Variants in FUT8 observed in about 807,000 individuals in gnomAD.
The protein encoded by FUT8 is fucosyltransferase 8.
FUT8 carries 29 observed loss-of-function variants against 71.3 expected under a neutral mutation model. The observed-to-expected ratio is 0.41, with a 90% CI of 0.30 to 0.55. The LOEUF (loss-of-function observed/expected upper bound fraction) is 0.55, where lower values mean the gene tolerates loss of function less well. Ranked by LOEUF, FUT8 falls within the 20% of genes least tolerant of loss-of-function variation. The pLI is 0.34. For missense variants in FUT8, 544 were observed against 702.1 expected (o/e 0.77, Z 2.55); for synonymous variants, 254 against 239.3 (o/e 1.06, Z -0.57).
In FUT8 at chr14:65,607,814, A is replaced by G. The variant is rs892400532; in HGVS notation, c.204-8164A>G. On this transcript the variant is annotated intron_variant, in intron 3 of 10. Coordinates refer to ENST00000673929, the MANE Select transcript of FUT8 (RefSeq NM_001371533.1). The surrounding 1 kb of genome is among the most constrained non-coding windows in gnomAD (Gnocchi z 4.1). ...CACGGTAGCTCATGCCTGTAATCCC[A>G]GCACTTTGGGAGGCTGAAGTGGGCA... Among the ~76,000 whole-genome samples the G allele has an allele frequency of 2.6e-5, 4 of 151,928 alleles. No homozygotes were observed. Among genetic ancestry groups the G allele is most frequent in the African/African-American group, 9.7e-5 (4 of 41,416 alleles).
chr14:65,666,410 G>GA (rs2140363433), intron 6 of FUT8, among the ~76,000 whole-genome samples: 1 of 152,212 alleles, frequency 6.6e-6, no homozygotes, highest in East Asian at 1.9e-4. Context: ...AACACTCTGT[G>GA]AACACAAATT....
intron 3 of FUT8, among the ~76,000 whole-genome samples, chr14:65,576,696 C>CTTTTTTTTTTTTTTTTTTTTTTTT (rs376473739): frequency 5.2e-5 from 5 of 96,212 alleles, no homozygotes; most frequent in Admixed American, 1.1e-4. Context: ...GCCCAGCTTG[C>CTTTTTTTTTTTTTTTTTTTTTTTT]TTTTTTTTTT....
chr14:65,609,960 A>T (rs1350249996), intron 3 of FUT8, among the ~76,000 whole-genome samples: 2 of 148,682 alleles, frequency 1.3e-5, no homozygotes, highest in East Asian at 2.0e-4. Context: ...AATTTTTTTC[A>T]TTTTTTTTTG....
At chr14:65,383,262 TTTC>T in the FUT8 span, among the ~76,000 whole-genome samples, 6 of 132,416 alleles carry the variant, frequency 4.5e-5, no homozygotes, top group Non-Finnish European at 9.2e-5. Flanking sequence ...TTCTTTTTCT[TTTC>T]TTTTTTTTTT....
chr14:65,649,357 T>G (rs2140317585), intron 6 of FUT8, among the ~76,000 whole-genome samples: 1 of 152,350 alleles, frequency 6.6e-6, no homozygotes, highest in South Asian at 2.1e-4. Flanking sequence ...ATCTGAATCT[T>G]CTTCCCTTGG....
chr14:65,592,895 A>T (rs966066447), intron 3 of FUT8, among the ~76,000 whole-genome samples: 6 of 152,190 alleles, frequency 3.9e-5, no homozygotes, highest in Non-Finnish European at 7.4e-5. Context: ...TTCAATAGAC[A>T]TTTCTTGGAC....
chr14:65,553,871 CT>C (rs907659671), intron 2 of FUT8, among the ~76,000 whole-genome samples: 2 of 151,194 alleles, frequency 1.3e-5, no homozygotes, highest in African/African-American at 4.9e-5. Context: ...TTTTTAGCAG[CT>C]TTTTGTCTAC....
rs1253198944 is a variant in FUT8 at position 65,552,809 on chromosome 14, T to C, written c.-227-8528T>C. On this transcript the variant is annotated intron_variant, in intron 2 of 10. Transcript: ENST00000673929. ...TGGCTTTTTCTTTGCTATACCTTTT[T>C]ATTTTATTTAATAAAAACTACTTGT... 2.0e-5 allele frequency among the ~76,000 whole-genome samples: 3 copies of C among 152,242 alleles called. No homozygotes were observed. The East Asian group carries it at 5.8e-4, about 29-fold the overall frequency.
chr14:65,698,718 C>T (rs1223455334), intron 7 of FUT8, among the ~76,000 whole-genome samples: 3 of 152,112 alleles, frequency 2.0e-5, no homozygotes, highest in Admixed American at 2.0e-4. Context: ...TCTAGGTAAG[C>T]GATCATTTCC....
chr14:65,498,875 C>A (rs1479784712), intron 2 of FUT8, among the ~76,000 whole-genome samples: 5 of 152,120 alleles, frequency 3.3e-5, no homozygotes, highest in Non-Finnish European at 1.5e-5. Context: ...GGAGAAAAAT[C>A]AGACTAAATT....
chr14:65,432,998 A>G (rs1344560060), intron 1 of FUT8, among the ~76,000 whole-genome samples: 1 of 151,916 alleles, frequency 6.6e-6, no homozygotes, highest in African/African-American at 2.4e-5. Context: ...TTCTTGTGTG[A>G]AATCCAAAAA....
At chr14:65,590,544 T>C (rs1887634302) in intron 3 of FUT8, among the ~76,000 whole-genome samples, 1 of 152,166 alleles carries the variant, frequency 6.6e-6, no homozygotes, top group Admixed American at 6.5e-5. Context: ...AAAGGTTTAA[T>C]TGCCTAGATG....
intron 7 of FUT8, among the ~76,000 whole-genome samples, chr14:65,712,657 C>G (rs1894863392): frequency 1.3e-5 from 2 of 152,138 alleles, no homozygotes. Flanking sequence ...GTTGGTCAGG[C>G]TGATCTCAAA....
chr14:65,622,050 C>G (rs1889644290), intron 5 of FUT8, among the ~76,000 whole-genome samples: 1 of 152,208 alleles, frequency 6.6e-6, no homozygotes, highest in Non-Finnish European at 1.5e-5. Flanking sequence ...TCTCAAACTT[C>G]TGACTTCAGG....
chr14:65,662,280 G>C (rs1055161908), intron 6 of FUT8, among the ~76,000 whole-genome samples: 4 of 152,154 alleles, frequency 2.6e-5, no homozygotes, highest in Admixed American at 2.0e-4. Context: ...GGGCTACTTG[G>C]GGGGATGAGG....
intron 2 of FUT8, among the ~76,000 whole-genome samples, chr14:65,469,366 G>A (rs1236144680): frequency 6.6e-6 from 1 of 150,420 alleles, no homozygotes; most frequent in Non-Finnish European, 1.5e-5. Context: ...GAGGTAAATA[G>A]GCCTTTAGTG....
At chr14:65,710,369 T>C (rs1449195176) in intron 7 of FUT8, among the ~76,000 whole-genome samples, 1 of 152,206 alleles carries the variant, frequency 6.6e-6, no homozygotes, top group African/African-American at 2.4e-5. Flanking sequence ...TTTGCATGTA[T>C]ATTTGAATAG....
chr14:65,582,753 C>T (rs1202045471), intron 3 of FUT8, among the ~76,000 whole-genome samples: 1 of 152,076 alleles, frequency 6.6e-6, no homozygotes, highest in African/African-American at 2.4e-5. Context: ...CTTATTCATC[C>T]TTGTATCATA....
At chr14:65,375,478 G>T in the FUT8 span, among the ~76,000 whole-genome samples, 13 of 152,042 alleles carry the variant, frequency 8.6e-5, no homozygotes, top group Non-Finnish European at 1.6e-4. Context: ...AAAATTAGCT[G>T]GTTGTGGTGG....
Sources: allele counts gnomAD v4.1 joint callset (sites outside exome capture counted in the v4.1 genomes callset), GRCh38; gene constraint gnomAD v4.1.1; non-coding constraint Gnocchi (gnomAD v3.1); transcripts MANE v1.5; gene names NCBI Gene and HGNC (gene_info 2026-07-23, HGNC 2026-07-21).